The following CDC25A variants were observed in gnomAD, a reference collection of about 807,000 sequenced individuals.
CDC25A encodes M-phase inducer phosphatase 1.
A neutral mutation model predicts 64.6 loss-of-function variants in CDC25A; 17 were observed. That is an observed-to-expected ratio of 0.26 (90% CI 0.18 to 0.39). CDC25A has a LOEUF of 0.39. Ranked by LOEUF, CDC25A falls within the 10% of genes least tolerant of loss-of-function variation. The pLI is 1.00. For synonymous variants in CDC25A, 229 were observed against 238.6 expected (o/e 0.96, Z 0.37); for missense variants, 473 against 654.8 (o/e 0.72, Z 3.03).
chr3:48,168,938 C>T lies in CDC25A; in HGVS notation c.931-994G>A, dbSNP rs998140731. Among the ~76,000 whole-genome samples, 15 of 152,226 alleles carry T rather than the reference C, an allele frequency of 9.9e-5. 1 individual carries two copies. The highest frequency in any genetic ancestry group is 3.3e-4 in the Admixed American group (5 of 15,288). ...AAGTGCTGGGATTACAGGTGTGAGCCACCGCGCCCGGCCTACGTCTTAGCT... is the reference window on the plus strand; with the variant it reads ...AAGTGCTGGGATTACAGGTGTGAGCTACCGCGCCCGGCCTACGTCTTAGCT... On this transcript the variant is annotated intron_variant, in intron 9 of 14. Coordinates refer to ENST00000302506, the MANE Select transcript of CDC25A (RefSeq NM_001789.3).
chr3:48,171,726 T>C (rs537129136), intron 9 of CDC25A, among the ~76,000 whole-genome samples: 14 of 152,336 alleles, frequency 9.2e-5, no homozygotes, highest in African/African-American at 3.4e-4. Context: ...GTATACAATG[T>C]AAAGTTTCAC....
At chr3:48,165,576 A>T in intron 12 of CDC25A, 60 bp downstream of exon 12, 1 of 1,193,588 alleles carries the variant, frequency 8.4e-7, no homozygotes, top group Non-Finnish European at 1.2e-6. Flanking sequence ...TGTCCTCCCC[A>T]CTTTAAAACC....
At chr3:48,178,383 T>C (rs944068593) in intron 6 of CDC25A, among the ~76,000 whole-genome samples, 2 of 152,090 alleles carry the variant, frequency 1.3e-5, no homozygotes, top group Non-Finnish European at 2.9e-5. Flanking sequence ...ATAAAGACCA[T>C]AAAATGGCCT....
At chr3:48,171,134 G>A (rs543432122) in intron 9 of CDC25A, among the ~76,000 whole-genome samples, 28 of 152,096 alleles carry the variant, frequency 1.8e-4, no homozygotes, top group African/African-American at 6.7e-4. Context: ...CACTTTGGGA[G>A]GCCAAGGCGG....
intron 5 of CDC25A, 129 bp downstream of exon 5, chr3:48,182,798 TTC>T (rs988208831): frequency 8.0e-6 from 5 of 627,972 alleles, no homozygotes; most frequent in Admixed American, 2.7e-5. Flanking sequence ...AAACCCAGAA[TTC>T]TCTGACTCCA....
intron 8 of CDC25A, among the ~76,000 whole-genome samples, chr3:48,176,529 G>C (rs2032463752): frequency 2.2e-5 from 1 of 44,686 alleles, no homozygotes; most frequent in Admixed American, 2.8e-4. Context: ...GTGTGTGTGT[G>C]AGTATATATA....
At position 48,164,390 on chromosome 3, in the gene CDC25A, C is replaced by T; in HGVS notation, c.1239G>A (p.Leu413=). Residue 413 remains leucine, a synonymous_variant, in exon 13 of 15, where the codon TTG becomes TTA. Transcript: ENST00000302506. ...CATCAGTAGGTACAATGGGCTTCTTCAATAAGAAGTCTTCAACCTCTTCTT... is the reference window on the plus strand; with the variant it reads ...CATCAGTAGGTACAATGGGCTTCTTTAATAAGAAGTCTTCAACCTCTTCTT... ...HMEEEVEDFL[L]KKPIVPTDGK... 6.2e-7 allele frequency: 1 copy of T among 1,601,388 alleles called. No homozygotes were observed. Among genetic ancestry groups the T allele is most frequent in the Non-Finnish European group, 8.5e-7 (1 of 1,175,314 alleles).
chr3:48,177,389 G>A lies in CDC25A; in HGVS notation c.738C>T (p.Val246=). ...AACTCACAAGGTTTGTAGTTCTCAT[G>A]ACGAGAGGAGCTGTCCAGAGGCTTG... ...CMASLWTAPL[V]MRTTNLDNRC... The change falls in exon 8 of 15, where the codon GTC becomes GTT. Residue 246 remains valine, a synonymous_variant. Transcript: ENST00000302506. 6.2e-7 allele frequency: 1 copy of A among 1,613,898 alleles called. No homozygotes were observed. Among genetic ancestry groups the A allele is most frequent in the Non-Finnish European group, 8.5e-7 (1 of 1,179,766 alleles).
At chr3:48,168,404 ACAC>A (rs1354171414) in intron 9 of CDC25A, among the ~76,000 whole-genome samples, 5 of 148,816 alleles carry the variant, frequency 3.4e-5, no homozygotes, top group South Asian at 2.1e-4. Flanking sequence ...ACACACACAC[ACAC>A]AAGCTGGGCA....
chr3:48,159,225 C>T, intron 14 of CDC25A, 119 bp downstream of exon 14: 1 of 1,264,890 alleles, frequency 7.9e-7, no homozygotes, highest in Non-Finnish European at 1.1e-6. Context: ...TCTTTGGGTT[C>T]AGCAGATACC....
At chr3:48,167,770 G>T in intron 10 of CDC25A, 76 bp downstream of exon 10, 1 of 813,126 alleles carries the variant, frequency 1.2e-6, no homozygotes, top group East Asian at 2.4e-5. Context: ...ACCCTGGGGA[G>T]GGAGACAGGC....
At chr3:48,163,708 G>A (rs1369321164) in intron 13 of CDC25A, among the ~76,000 whole-genome samples, 1 of 152,126 alleles carries the variant, frequency 6.6e-6, no homozygotes, top group East Asian at 1.9e-4. Context: ...GTCTCCCTTG[G>A]ACCATCCTAG....
At chr3:48,186,334 C>A (rs111760581) in intron 2 of CDC25A, among the ~76,000 whole-genome samples, 1 of 152,056 alleles carries the variant, frequency 6.6e-6, no homozygotes, top group Non-Finnish European at 1.5e-5. Flanking sequence ...TTTGGGAGGC[C>A]GAGGAAGGCG....
intron 8 of CDC25A, among the ~76,000 whole-genome samples, chr3:48,176,293 A>G (rs1435806423): frequency 2.0e-5 from 3 of 152,098 alleles, no homozygotes; most frequent in African/African-American, 2.4e-5. Context: ...CTAAGGGTGT[A>G]TATCTCTGAA....
chr3:48,181,591 T>C (rs2032671227), intron 5 of CDC25A: 26 of 1,561,702 alleles, frequency 1.7e-5, no homozygotes, highest in Non-Finnish European at 2.3e-5. Context: ...ACTGGGTTCA[T>C]GTTCTTGTCC....
chr3:48,157,376 T>C lies in CDC25A; in HGVS notation c.*1569A>G, dbSNP rs1266606448. 3 of 152,540 alleles carry C rather than the reference T, an allele frequency of 2.0e-5. No individual in the cohort carries two copies. The highest frequency in any genetic ancestry group is 6.6e-5 in the Admixed American group (1 of 15,262). The allele number at this position is 152,540 out of a possible 1,614,324, so 9.4% of individuals were successfully genotyped here. ...GAAGAAGTCCTCTCCCCCACATTTTTCCCAACAAGATTGTTTTATAGCCAA... is the reference window on the plus strand; with the variant it reads ...GAAGAAGTCCTCTCCCCCACATTTTCCCCAACAAGATTGTTTTATAGCCAA... On this transcript the variant is annotated 3_prime_UTR_variant, in exon 15 of 15. Transcript: ENST00000302506.
At chr3:48,162,740 C>T (rs191006729) in intron 13 of CDC25A, among the ~76,000 whole-genome samples, 28 of 151,612 alleles carry the variant, frequency 1.8e-4, no homozygotes, top group African/African-American at 5.1e-4. Flanking sequence ...CCCAGCTACT[C>T]GGGAGGCTGA....
intron 9 of CDC25A, among the ~76,000 whole-genome samples, chr3:48,173,298 T>C (rs1214754864): frequency 6.6e-6 from 1 of 151,614 alleles, no homozygotes; most frequent in Non-Finnish European, 1.5e-5. Flanking sequence ...ATAAAATATC[T>C]ACAACAAATG....
chr3:48,166,867 G>A (rs1315183990), intron 10 of CDC25A, among the ~76,000 whole-genome samples: 4 of 152,132 alleles, frequency 2.6e-5, no homozygotes, highest in African/African-American at 7.2e-5. Flanking sequence ...TAGCATGTGC[G>A]AATAGCCACT....
Sources: gnomAD v4.1 joint callset for allele counts (sites outside exome capture counted in the v4.1 genomes callset) on GRCh38, gnomAD v4.1.1 for gene constraint, MANE v1.5 for transcripts, NCBI Gene and HGNC (gene_info 2026-07-23, HGNC 2026-07-21) for gene names.